The following TIAM2 variants were observed in gnomAD, a reference collection of about 807,000 sequenced individuals.
TIAM2 encodes the protein TIAM Rac1 associated GEF 2, also known as rho guanine nucleotide exchange factor TIAM2.
A neutral mutation model predicts 152.9 loss-of-function variants in TIAM2; 80 were observed. The observed-to-expected ratio is 0.52, with a 90% CI of 0.44 to 0.63. The LOEUF is 0.63. Among genes scored for constraint, TIAM2 ranks in the 30% least tolerant of loss-of-function variants. TIAM2 has a pLI of 0.00. For synonymous variants in TIAM2, 804 were observed against 838.0 expected, an observed-to-expected ratio of 0.96 and a Z score of 0.70; for missense variants, 1,965 against 2,120.1, an observed-to-expected ratio of 0.93 and a Z score of 1.44.
intron 2 of TIAM2, among the ~76,000 whole-genome samples, chr6:155,126,608 G>A (rs1779304064): frequency 6.6e-6 from 1 of 152,240 alleles, no homozygotes; most frequent in South Asian, 2.1e-4. Context: ...GTGCGTGCCT[G>A]TAATCCCAGT....
chr6:155,197,809 C>G (rs1781382886), intron 14 of TIAM2, among the ~76,000 whole-genome samples: 1 of 151,970 alleles, frequency 6.6e-6, no homozygotes, highest in Non-Finnish European at 1.5e-5. Context: ...GTAACCATGC[C>G]CAAGGTTAAA....
chr6:155,079,572 T>A (rs139713785), intron 1 of TIAM2, among the ~76,000 whole-genome samples: 29 of 152,340 alleles, frequency 1.9e-4, no homozygotes, highest in African/African-American at 7.0e-4. Context: ...CTATAGTCAG[T>A]ACAGCTGGGG....
chr6:155,061,747 C>T lies in TIAM2; in HGVS notation c.-208-28542C>T, dbSNP rs567879829. Among the ~76,000 whole-genome samples the T allele has an allele frequency of 4.6e-5, 7 of 152,274 alleles. No individual in the cohort carries two copies. The East Asian group carries it at 5.8e-4, about 13-fold the overall frequency. On this transcript the variant is annotated intron_variant, in intron 1 of 26. Coordinates refer to ENST00000682666, the MANE Select transcript of TIAM2 (RefSeq NM_012454.4). ...GTGAAGTTGTGTCATATATTTCCAGCGAAGTTACTTGCCATGCTGACAGTT... is the reference window on the plus strand; with the variant it reads ...GTGAAGTTGTGTCATATATTTCCAGTGAAGTTACTTGCCATGCTGACAGTT...
Position 155,257,603 on chromosome 6 carries a change from T to G in TIAM2, c.*482T>G. The G allele has an allele frequency of 1.9e-6, 1 of 514,260 alleles. No individual in the cohort carries two copies. The highest frequency in any genetic ancestry group is 3.5e-5 in the East Asian group (1 of 28,668). The allele number at this position is 514,260 out of a possible 1,614,324, so 31.9% of individuals were successfully genotyped here. A position where few individuals can be genotyped will look rare whatever the true frequency, so the allele number is the denominator to read the frequency against. On this transcript the variant is annotated 3_prime_UTR_variant, in exon 27 of 27. Coordinates refer to ENST00000682666, the MANE Select transcript of TIAM2 (RefSeq NM_012454.4). ...TAAGATAGATTGTAATAGATGCTGT[T>G]TATACTAAACATGTCATAACTATCT...
chr6:155,254,992 G>T (rs111783137), intron 26 of TIAM2: 1,766 of 158,392 alleles, frequency 0.011, 34 homozygotes, highest in African/African-American at 0.04. Context: ...CTTTACCGTG[G>T]TGTGAAAGTG....
chr6:155,059,973 G>GAT (rs1344453268), intron 1 of TIAM2, among the ~76,000 whole-genome samples: 1 of 152,202 alleles, frequency 6.6e-6, no homozygotes, highest in Non-Finnish European at 1.5e-5. Context: ...GAGACATACA[G>GAT]ATATACTGCA....
intron 1 of TIAM2, among the ~76,000 whole-genome samples, chr6:155,023,856 G>A (rs558314614): frequency 6.6e-6 from 1 of 152,160 alleles, no homozygotes; most frequent in South Asian, 2.1e-4. Flanking sequence ...TTAATTTATC[G>A]GGTCCTTACT....
At position 155,129,380 on chromosome 6, in the gene TIAM2, G is replaced by A. The variant is rs1779379346; in HGVS notation, c.157G>A (p.Ala53Thr). 6.2e-7 allele frequency: 1 copy of A among 1,614,160 alleles called. No individual in the cohort carries two copies. The highest frequency in any genetic ancestry group is 2.2e-5 in the East Asian group (1 of 44,882). The change falls in exon 4 of 27, where the codon GCA becomes ACA. Residue 53 changes from alanine (A) to threonine (T), a missense_variant. Ala to Thr is a moderately conservative substitution (Grantham distance 58). This residue lies in a region of TIAM2 where 1,025 missense variants were observed against 1,119.4 expected (regional missense o/e 0.92). Coordinates refer to ENST00000682666, the MANE Select transcript of TIAM2 (RefSeq NM_012454.4). The surrounding 1 kb of genome is among the most constrained non-coding windows in gnomAD (Gnocchi z 4.8). ...TGGATGGGGTCACGGAAGCAACGGA[G>A]CAGGTTACAAGTCCAGGTCCCTGGC... The part of the protein sequence containing the change: ...LHGWGHGSNG[A>T]GYKSRSLARS...
At chr6:155,023,747 G>A (rs1776543334) in intron 1 of TIAM2, among the ~76,000 whole-genome samples, 1 of 152,152 alleles carries the variant, frequency 6.6e-6, no homozygotes, top group Admixed American at 6.6e-5. Context: ...GAGTATTTTT[G>A]TGCTTTTGTT....
chr6:155,057,541 C>CTTTTTTTTTTTTTTTTTTTTTTTT (rs71023613), intron 1 of TIAM2, among the ~76,000 whole-genome samples: 1 of 80,072 alleles, frequency 1.2e-5, no homozygotes, highest in Non-Finnish European at 2.2e-5. Flanking sequence ...CCATAATGTA[C>CTTTTTTTTTTTTTTTTTTTTTTTT]TTTTTTTTTT....
At chr6:155,114,063 T>C (rs1778950627) in intron 2 of TIAM2, among the ~76,000 whole-genome samples, 2 of 106,320 alleles carry the variant, frequency 1.9e-5, no homozygotes, top group Non-Finnish European at 3.7e-5. Flanking sequence ...TTTTTTTTTT[T>C]TTTTTTTTGA....
At position 155,186,466 on chromosome 6, in the gene TIAM2, C is replaced by G. The variant is rs1333215881; in HGVS notation, c.3064+2966C>G. Among the ~76,000 whole-genome samples, 1 of 152,068 alleles carries G rather than the reference C, an allele frequency of 6.6e-6. No individual in the cohort carries two copies. Among genetic ancestry groups the G allele is most frequent in the Non-Finnish European group, 1.5e-5 (1 of 68,022 alleles). On this transcript the variant is annotated intron_variant, in intron 14 of 26. Coordinates refer to ENST00000682666, the MANE Select transcript of TIAM2 (RefSeq NM_012454.4). The surrounding 1 kb of genome is among the most constrained non-coding windows in gnomAD (Gnocchi z 4.5). ...CTTTGGGAATCTCGGGGTCACCTTC[C>G]AAATAAACTTCTGTACTCAAGTCCT...
At chr6:155,176,722 T>G in intron 9 of TIAM2, 94 bp from the exon 10 acceptor site, 1 of 1,393,718 alleles carries the variant, frequency 7.2e-7, no homozygotes. Flanking sequence ...GCGTTTACTC[T>G]AAATACTCCG....
chr6:155,004,985 C>A, intron 1 of TIAM2: 1 of 412,864 alleles, frequency 2.4e-6, no homozygotes. Context: ...CTTCACTTAC[C>A]TTAAGCCATT....
intron 15 of TIAM2, among the ~76,000 whole-genome samples, chr6:155,234,909 T>C (rs1041879588): frequency 1.3e-5 from 2 of 152,082 alleles, no homozygotes; most frequent in African/African-American, 4.8e-5. Flanking sequence ...AGGAACTAGA[T>C]TGCTTTGCCT....
At chr6:155,250,795 A>G in intron 21 of TIAM2, 118 bp from the exon 22 acceptor site, 1 of 1,224,362 alleles carries the variant, frequency 8.2e-7, no homozygotes, top group Non-Finnish European at 1.2e-6. Flanking sequence ...AGGTATCATA[A>G]AAATTAAACC....
At chr6:155,034,810 C>T (rs1158867325) in intron 1 of TIAM2, among the ~76,000 whole-genome samples, 1 of 152,122 alleles carries the variant, frequency 6.6e-6, no homozygotes, top group African/African-American at 2.4e-5. Context: ...TATTCCTGGT[C>T]TTAATAGAAT....
Position 155,059,802 on chromosome 6 carries a change from A to G in TIAM2, c.-208-30487A>G, listed in dbSNP as rs550111366. Among the ~76,000 whole-genome samples, 9 of 152,298 alleles carry G rather than the reference A, an allele frequency of 5.9e-5. No individual in the cohort carries two copies. The South Asian group carries it at 1.5e-3, about 25-fold the overall frequency. On this transcript the variant is annotated intron_variant, in intron 1 of 26. Coordinates refer to ENST00000682666, the MANE Select transcript of TIAM2 (RefSeq NM_012454.4). ...TGTCAGCCTGCTTGGTGTCAGCCATAGTCAAGTCACTATTTTTTGTTTTCT... is the reference window on the plus strand; with the variant it reads ...TGTCAGCCTGCTTGGTGTCAGCCATGGTCAAGTCACTATTTTTTGTTTTCT...
chr6:155,154,528 G>A (rs796484216), intron 7 of TIAM2, among the ~76,000 whole-genome samples: 156 of 152,284 alleles, frequency 1.0e-3, no homozygotes, highest in African/African-American at 3.0e-3. Flanking sequence ...ACGCCAGATC[G>A]CCTTTGAAGT....
Sources: allele counts gnomAD v4.1 joint callset (sites outside exome capture counted in the v4.1 genomes callset), GRCh38; gene constraint gnomAD v4.1.1; regional missense constraint gnomAD v4.1.1; non-coding constraint Gnocchi (gnomAD v3.1); transcripts MANE v1.5; gene names NCBI Gene and HGNC (gene_info 2026-07-23, HGNC 2026-07-21).